Variants in RAB27A observed in about 807,000 individuals in gnomAD.
RAB27A encodes the protein RAB27A, member RAS oncogene family, also known as ras-related protein Rab-27A.
A neutral mutation model predicts 20.8 loss-of-function variants in RAB27A; 17 were observed. That is an observed-to-expected ratio of 0.82 (90% CI 0.56 to 1.23). The LOEUF is 1.23. Ranked by LOEUF, RAB27A falls within the 50% of genes most tolerant of loss-of-function variation. The probability of loss-of-function intolerance (pLI) is 0.00; values close to 1 mark genes in which losing one functional copy is unlikely to be tolerated. For synonymous variants in RAB27A, 85 were observed against 92.8 expected (o/e 0.92, Z 0.48); for missense variants, 277 against 266.7 (o/e 1.04, Z -0.27).
At chr15:55,224,074 C>T (rs1210383283) in intron 5 of RAB27A, 62 bp from the exon 6 acceptor site, 8 of 1,325,006 alleles carry the variant, frequency 6.0e-6, no homozygotes, top group African/African-American at 4.4e-5. Context: ...GATCAGTGAA[C>T]AATACATGCA....
chr15:55,212,062 T>C (rs1895055120), intron 6 of RAB27A, among the ~76,000 whole-genome samples: 1 of 151,638 alleles, frequency 6.6e-6, no homozygotes, highest in Non-Finnish European at 1.5e-5. Flanking sequence ...AACTAGCTGA[T>C]ATATATGAGT....
rs544006834 is a variant in RAB27A at position 55,214,633 on chromosome 15, G to A, written c.468-8928C>T. 4.6e-5 allele frequency among the ~76,000 whole-genome samples: 7 copies of A among 152,186 alleles called. No individual in the cohort carries two copies. In the South Asian group the frequency reaches 1.0e-3, roughly 23 times the overall value. ...TGTTGGGAAAAATGACATGGTCTTC[G>A]CAGTTTTTAAACCTCCTGCTTGCCT... On this transcript the variant is annotated intron_variant, in intron 6 of 6. Transcript: ENST00000336787.
intron 2 of RAB27A, among the ~76,000 whole-genome samples, chr15:55,305,167 T>C (rs989181731): frequency 2.0e-5 from 3 of 152,210 alleles, no homozygotes; most frequent in Non-Finnish European, 2.9e-5. Context: ...GGCTTAGGGA[T>C]GCTTAGTCAG....
intron 2 of RAB27A, among the ~76,000 whole-genome samples, chr15:55,250,362 T>A (rs1411852246): frequency 6.6e-6 from 1 of 152,248 alleles, no homozygotes; most frequent in Non-Finnish European, 1.5e-5. Flanking sequence ...TTACTTATGC[T>A]ACTTTGTTAA....
chr15:55,228,863 C>G, intron 4 of RAB27A, 151 bp from the exon 5 acceptor site: 1 of 688,116 alleles, frequency 1.5e-6, no homozygotes, highest in Non-Finnish European at 2.6e-6. Flanking sequence ...TTATTTATCA[C>G]TTATATCAGT....
intron 2 of RAB27A, among the ~76,000 whole-genome samples, chr15:55,236,805 T>A (rs1267870627): frequency 6.6e-6 from 1 of 152,190 alleles, no homozygotes; most frequent in Admixed American, 6.6e-5. Context: ...TGAAGGTATT[T>A]AGGGTATTTA....
At chr15:55,275,803 C>T (rs1371583034) in intron 1 of RAB27A, among the ~76,000 whole-genome samples, 2 of 148,552 alleles carry the variant, frequency 1.3e-5, no homozygotes, top group African/African-American at 4.9e-5. Context: ...TCAAAGAATA[C>T]ATTAAAAATG....
At chr15:55,260,658 GCATATTACTAACTGAAAGAAGC>G (rs981777669) in intron 2 of RAB27A, among the ~76,000 whole-genome samples, 1 of 152,168 alleles carries the variant, frequency 6.6e-6, no homozygotes, top group Admixed American at 6.5e-5. Context: ...AACCTTAAAT[GCATATTACTAACTGAAAGAAGC>G]CAATCTGTAT....
intron 6 of RAB27A, among the ~76,000 whole-genome samples, chr15:55,212,044 T>A (rs1046706639): frequency 6.6e-6 from 1 of 151,502 alleles, no homozygotes; most frequent in Admixed American, 6.6e-5. Context: ...CTGGTTTGCC[T>A]GAATTGAAAC....
At chr15:55,210,429 G>C (rs1333227025) in intron 6 of RAB27A, among the ~76,000 whole-genome samples, 1 of 113,160 alleles carries the variant, frequency 8.8e-6, no homozygotes, top group Non-Finnish European at 1.8e-5. Flanking sequence ...TTTTTTTGAG[G>C]GGGGGGGAAT....
chr15:55,285,929 G>A (rs1177608402), intron 1 of RAB27A, among the ~76,000 whole-genome samples: 1 of 152,184 alleles, frequency 6.6e-6, no homozygotes, highest in Non-Finnish European at 1.5e-5. Flanking sequence ...CACTGTGGGA[G>A]GGACCAAAAT....
chr15:55,296,124 G>A (rs1372861543), intron 2 of RAB27A, among the ~76,000 whole-genome samples: 2 of 151,382 alleles, frequency 1.3e-5, no homozygotes, highest in African/African-American at 4.8e-5. Context: ...TCGAACTCCT[G>A]ACCTTGGGAT....
At chr15:55,283,485 T>C (rs1898071162) in intron 1 of RAB27A, among the ~76,000 whole-genome samples, 2 of 152,120 alleles carry the variant, frequency 1.3e-5, no homozygotes, top group Non-Finnish European at 2.9e-5. Flanking sequence ...CCCACTTCAA[T>C]ACACAGCCTA....
At chr15:55,283,882 C>T (rs77894422) in intron 1 of RAB27A, among the ~76,000 whole-genome samples, 7 of 152,144 alleles carry the variant, frequency 4.6e-5, no homozygotes, top group South Asian at 2.1e-4. Context: ...TTGCTTTTAA[C>T]GATACAAATA....
At chr15:55,297,228 G>T (rs2054953185) in intron 2 of RAB27A, among the ~76,000 whole-genome samples, 1 of 152,218 alleles carries the variant, frequency 6.6e-6, no homozygotes, top group Non-Finnish European at 1.5e-5. Context: ...TATCTGAATT[G>T]CTGCAGTCCT....
In RAB27A at chr15:55,243,740, G is replaced by A. The variant is rs188555388; in HGVS notation, c.-22-8784C>T. Among the ~76,000 whole-genome samples, 125 of 152,002 alleles carry A rather than the reference G, an allele frequency of 8.2e-4. 1 individual carries two copies. Among genetic ancestry groups the A allele is most frequent in the African/African-American group, 2.8e-3 (118 of 41,450 alleles). ...TGATTGAATACTTATTATATGCTAG[G>A]TGCCAGGGTACAATGGGGATCCAAC... On this transcript the variant is annotated intron_variant, in intron 2 of 6. Coordinates refer to ENST00000336787, the MANE Select transcript of RAB27A (RefSeq NM_183235.3).
intron 1 of RAB27A, among the ~76,000 whole-genome samples, chr15:55,271,176 C>T (rs997624676): frequency 6.6e-6 from 1 of 152,214 alleles, no homozygotes; most frequent in Non-Finnish European, 1.5e-5. Flanking sequence ...CATCACTCTC[C>T]TGTTAATGGC....
Position 55,205,360 on chromosome 15 carries a change from A to G in RAB27A, c.*147T>C. The G allele has an allele frequency of 1.3e-6, 1 of 788,778 alleles. No homozygotes were observed. Among genetic ancestry groups the G allele is most frequent in the Non-Finnish European group, 2.2e-6 (1 of 461,098 alleles). 48.9% of individuals were successfully genotyped at this position (788,778 alleles called of 1,614,324 possible). ...AAAGCTGCAACAAATTAATTTTAGA[A>G]CCGGATGCTTTATTCGTAGGTCTAA... On this transcript the variant is annotated 3_prime_UTR_variant, in exon 7 of 7. Coordinates refer to ENST00000336787, the MANE Select transcript of RAB27A (RefSeq NM_183235.3).
intron 2 of RAB27A, among the ~76,000 whole-genome samples, chr15:55,245,838 G>A (rs1896664050): frequency 1.3e-5 from 2 of 152,128 alleles, no homozygotes; most frequent in Admixed American, 6.6e-5. Context: ...GGCCGGGCAT[G>A]GTGGCTCATG....
Sources: allele counts gnomAD v4.1 joint callset (sites outside exome capture counted in the v4.1 genomes callset), GRCh38; gene constraint gnomAD v4.1.1; transcripts MANE v1.5; gene names NCBI Gene and HGNC (gene_info 2026-07-23, HGNC 2026-07-21).